Variants in DDX5 observed in about 807,000 individuals in gnomAD.
DDX5 encodes DEAD-box helicase 5.
Under a neutral mutation model 68.6 loss-of-function variants are expected in DDX5, and 6 were observed. The ratio of observed to expected loss-of-function variants is 0.09; its 90% confidence interval spans 0.05 to 0.17. DDX5 has a LOEUF of 0.17. Ranked by LOEUF, DDX5 falls within the 10% of genes least tolerant of loss-of-function variation. DDX5 has a pLI of 1.00. For synonymous variants in DDX5, 350 were observed against 247.0 expected, an observed-to-expected ratio of 1.42 and a Z score of -3.91; for missense variants, 499 against 756.1, an observed-to-expected ratio of 0.66 and a Z score of 3.99.
At chr17:64,506,750 C>T (rs186349548), upstream of DDX5, 3 of 479,304 alleles carry the variant, frequency 6.3e-6, no homozygotes, top group Admixed American at 3.7e-5. Context: ...AACGAAATAG[C>T]TCACCGGAAG....
chr17:64,506,392 A>C (rs868970971), upstream of DDX5: 42 of 1,401,678 alleles, frequency 3.0e-5, no homozygotes, highest in African/African-American at 3.3e-4. Context: ...CCCCTCGCGC[A>C]TAGGCCGCAA....
In DDX5 at chr17:64,504,310, C is replaced by T. The variant is rs782297435; in HGVS notation, c.219G>A (p.Val73=). 1 of 1,613,668 alleles carries T rather than the reference C, an allele frequency of 6.2e-7. No homozygotes were observed. The highest frequency in any genetic ancestry group is 1.7e-5 in the Admixed American group (1 of 60,010). The change falls in exon 3 of 13, where the codon GTG becomes GTA. Residue 73 remains valine (V), a synonymous_variant. Coordinates refer to ENST00000225792, the MANE Select transcript of DDX5 (RefSeq NM_004396.5). ...PDLARRTAQE[V]ETYRRSKEIT... is the part of the protein sequence containing the mutation. ...TTTCCTTGCTTCTTCTGTATGTTTCCACCTCTTGCTGCAAAACAAATTATA... is the reference window on the plus strand; with the variant it reads ...TTTCCTTGCTTCTTCTGTATGTTTCTACCTCTTGCTGCAAAACAAATTATA...
intron 1 of DDX5, chr17:64,505,440 G>A (rs782526547): frequency 1.8e-6 from 1 of 550,488 alleles, no homozygotes; most frequent in East Asian, 2.9e-5. Flanking sequence ...GGCGACTACC[G>A]GGGGAGGAGT....
At chr17:64,506,680 C>T (rs1184290456), upstream of DDX5, 14 of 304,586 alleles carry the variant, frequency 4.6e-5, no homozygotes, top group African/African-American at 2.7e-4. Context: ...CTGTACCACC[C>T]CGGACCACCG....
At position 64,503,410 on chromosome 17, in the gene DDX5, A is replaced by T; in HGVS notation, c.649+20T>A. The stretch of plus-strand genomic sequence containing the variant: ...GGATATTTAGCACCAATGACAAATA[A>T]AACCCTTTTCATTACATACCTCTCT... On this transcript the variant is annotated intron_variant, in intron 6 of 12. Coordinates refer to ENST00000225792, the MANE Select transcript of DDX5 (RefSeq NM_004396.5). 1 of 1,614,104 alleles carries T rather than the reference A, an allele frequency of 6.2e-7. No individual in the cohort carries two copies. Among genetic ancestry groups the T allele is most frequent in the Non-Finnish European group, 8.5e-7 (1 of 1,179,988 alleles).
At chr17:64,506,017 C>CAT in intron 1 of DDX5, 59 bp downstream of exon 1, 3 of 1,510,996 alleles carry the variant, frequency 2.0e-6, no homozygotes, top group Non-Finnish European at 2.7e-6. Flanking sequence ...GGCCGCCACC[C>CAT]TGACCCGCCC....
In DDX5 at chr17:64,506,248, G is replaced by T; in HGVS notation, c.-129C>A. 2 of 1,548,106 alleles carry T rather than the reference G, an allele frequency of 1.3e-6. No individual in the cohort carries two copies. The highest frequency in any genetic ancestry group is 8.7e-7 in the Non-Finnish European group (1 of 1,147,080). On this transcript the variant is annotated 5_prime_UTR_variant, in exon 1 of 13. It adds an upstream start codon to the 5' untranslated region. Coordinates refer to ENST00000225792, the MANE Select transcript of DDX5 (RefSeq NM_004396.5). Reference sequence around the variant, plus strand: ...CGGAGGAAGGACACCGATGACACCAGCCGAAGCTGCACTACTAGAGACCGG... The same window carrying T: ...CGGAGGAAGGACACCGATGACACCATCCGAAGCTGCACTACTAGAGACCGG...
chr17:64,506,389 C>T (rs1340104385), upstream of DDX5: 1 of 1,403,608 alleles, frequency 7.1e-7, no homozygotes, highest in Admixed American at 2.9e-5. Context: ...CCGCCCCTCG[C>T]GCATAGGCCG....
chr17:64,504,482 T>C (rs1296013412), intron 2 of DDX5, 164 bp from the exon 3 acceptor site: 7 of 911,800 alleles, frequency 7.7e-6, no homozygotes, highest in Non-Finnish European at 1.1e-5. Context: ...AAAAATTTAT[T>C]GTTATACTCA....
At chr17:64,506,019 G>GGGCCCCCCCCCCCCC in intron 1 of DDX5, 57 bp downstream of exon 1, 6 of 1,360,358 alleles carry the variant, frequency 4.4e-6, no homozygotes, top group Non-Finnish European at 5.1e-6. Context: ...CCGCCACCCT[G>GGGCCCCCCCCCCCCC]ACCCGCCCTC....
At chr17:64,501,260 C>A (rs2144253095) in intron 11 of DDX5, 1 of 163,518 alleles carries the variant, frequency 6.1e-6, no homozygotes, top group Middle Eastern at 5.2e-4. Context: ...AGAAAACATA[C>A]CTGTCCCCCA....
chr17:64,504,639 C>A, intron 2 of DDX5, 38 bp downstream of exon 2: 1 of 1,558,510 alleles, frequency 6.4e-7, no homozygotes, highest in East Asian at 2.3e-5. Context: ...AATCCACGAT[C>A]GAGTTACAGC....
chr17:64,505,942 G>A (rs1216932867), intron 1 of DDX5, 134 bp downstream of exon 1: 34 of 1,535,574 alleles, frequency 2.2e-5, no homozygotes, highest in Admixed American at 3.9e-5. Context: ...AATGGCGCAA[G>A]CCTTCGGGAA....
chr17:64,505,651 C>T, intron 1 of DDX5: 2 of 1,323,468 alleles, frequency 1.5e-6, no homozygotes, highest in Admixed American at 3.9e-5. Context: ...ATGCCGGCCG[C>T]CCTCCTACCC....
chr17:64,501,088 G>A (rs1199081092), intron 11 of DDX5: 11 of 364,028 alleles, frequency 3.0e-5, no homozygotes, highest in East Asian at 1.0e-4. Flanking sequence ...ATGCTTCTGC[G>A]CAGTAGGGCC....
Position 64,503,098 on chromosome 17 carries a change from G to A in DDX5, c.811C>T (p.Pro271Ser). The change falls in exon 8 of 13, where the codon CCT becomes TCT. Residue 271 changes from proline to serine, a missense_variant and splice_region_variant. Physicochemically the swap from Pro to Ser is moderately conservative, Grantham distance 74. Coordinates refer to ENST00000225792, the MANE Select transcript of DDX5 (RefSeq NM_004396.5). ...QIRKIVDQIRPDRQTLMWSAT... is the reference protein window; with the variant it reads ...QIRKIVDQIRSDRQTLMWSAT... ...CTCCACATTAGAGTTTGCCTATCAG[G>A]CTAATGGATTTTGGGGGGAAAAATT... 2 of 1,612,668 alleles carry A rather than the reference G, an allele frequency of 1.2e-6. No individual in the cohort carries two copies. The highest frequency in any genetic ancestry group is 4.5e-5 in the East Asian group (2 of 44,862).
chr17:64,502,844 A>G (rs896733431), intron 8 of DDX5, 82 bp downstream of exon 8: 9 of 1,380,146 alleles, frequency 6.5e-6, no homozygotes, highest in Admixed American at 2.4e-5. Context: ...GAAATAACCT[A>G]AAACAACTCA....
rs3217299 is a variant in DDX5, at chr17:64,499,615, C to CT, written c.*307dup. On this transcript the variant is annotated 3_prime_UTR_variant, in exon 13 of 13. Coordinates refer to ENST00000225792, the MANE Select transcript of DDX5 (RefSeq NM_004396.5). ...TATATAAAATAAAGTACAATTTCCA[C>CT]TTAATTCAGTCTTCAAATATTTTTT... 0.058 allele frequency: 16,396 copies of CT among 280,460 alleles called. 671 individuals are homozygous for CT. Among genetic ancestry groups the CT allele is most frequent in the Admixed American group, 0.15 (2,870 of 19,772 alleles). The allele number at this position is 280,460 out of a possible 1,614,324, so 17.4% of individuals were successfully genotyped here.
rs1260867708 is a variant in DDX5, at chr17:64,504,119, A to G, written c.308-3T>C. 33 of 1,613,982 alleles carry G rather than the reference A, an allele frequency of 2.0e-5. No individual in the cohort carries two copies. In the Admixed American group the frequency reaches 5.0e-4, roughly 24 times the overall value. On this transcript the variant is annotated splice_region_variant and splice_polypyrimidine_tract_variant and intron_variant, in intron 3 of 12. Transcript: ENST00000225792. ...TGCAATAACATCCATGACATTTGCTATAATTAGTAACAGATATTTAGTAAA... is the reference window on the plus strand; with the variant it reads ...TGCAATAACATCCATGACATTTGCTGTAATTAGTAACAGATATTTAGTAAA...
Sources: allele counts gnomAD v4.1 joint callset, GRCh38; gene constraint gnomAD v4.1.1; transcripts MANE v1.5; gene names NCBI Gene and HGNC (gene_info 2026-07-23, HGNC 2026-07-21).